SEC22A: variants seen among roughly 807,000 people sequenced by gnomAD.
SEC22A encodes the protein SEC22 homolog A, vesicle trafficking protein, also known as vesicle-trafficking protein SEC22a.
A neutral mutation model predicts 35.3 loss-of-function variants in SEC22A; 22 were observed. The observed-to-expected ratio is 0.62, with a 90% confidence interval of 0.45 to 0.89. The LOEUF (loss-of-function observed/expected upper bound fraction) is 0.89. Among genes scored for constraint, SEC22A ranks in the 40% least tolerant of loss-of-function variants. The pLI is 0.00. For missense variants in SEC22A, 354 were observed against 362.5 expected, an observed-to-expected ratio of 0.98 and a Z score of 0.19; for synonymous variants, 119 against 129.5, an observed-to-expected ratio of 0.92 and a Z score of 0.55.
At chr3:123,240,801 A>G (rs1362956801) in intron 4 of SEC22A, among the ~76,000 whole-genome samples, 1 of 151,924 alleles carries the variant, frequency 6.6e-6, no homozygotes, top group Admixed American at 6.6e-5. Context: ...TTTTACTTTT[A>G]TGTTGTGCTT....
chr3:123,215,831 G>A (rs925282741), intron 2 of SEC22A, among the ~76,000 whole-genome samples: 4 of 152,076 alleles, frequency 2.6e-5, no homozygotes, highest in African/African-American at 7.2e-5. Context: ...AAATGAACCA[G>A]GGAAGAGAAT....
At chr3:123,240,221 T>A (rs1276185834) in intron 4 of SEC22A, among the ~76,000 whole-genome samples, 1 of 152,140 alleles carries the variant, frequency 6.6e-6, no homozygotes, top group East Asian at 1.9e-4. Flanking sequence ...AAATACAGAA[T>A]AAAAAGACAT....
rs1938156270 is a variant in SEC22A at position 123,271,457 on chromosome 3, A to G, written c.724-65A>G. ...TTACTCTCTGACCTGTTACAATTTT[A>G]TATTAGAAACATCTGTTTCTTTTCC... On this transcript the variant is annotated intron_variant, in intron 6 of 6. Coordinates refer to ENST00000492595, the MANE Select transcript of SEC22A (RefSeq NM_012430.5). 2.9e-6 allele frequency: 4 copies of G among 1,365,484 alleles called. No homozygotes were observed. In the Admixed American group the frequency reaches 5.2e-5, roughly 18 times the overall value. 84.6% of individuals were successfully genotyped at this position (1,365,484 alleles called of 1,614,324 possible). A position where few individuals can be genotyped will look rare whatever the true frequency, so the allele number is the denominator to read the frequency against.
chr3:123,205,572 C>A (rs868698926), intron 1 of SEC22A, among the ~76,000 whole-genome samples: 117 of 152,110 alleles, frequency 7.7e-4, no homozygotes, highest in African/African-American at 2.7e-3. Context: ...CCTGTAATCC[C>A]AGCTACTTGG....
chr3:123,226,179 G>A lies in SEC22A; in HGVS notation c.541+882G>A, dbSNP rs369636799. On this transcript the variant is annotated intron_variant, in intron 4 of 6. Transcript: ENST00000492595. Reference sequence around the variant, plus strand: ...AACATGAGAATGCAGATGTCTCTTCGATATGCTGATTTCCTTTCTTTTGGG... The same window carrying A: ...AACATGAGAATGCAGATGTCTCTTCAATATGCTGATTTCCTTTCTTTTGGG... Among the ~76,000 whole-genome samples the A allele has an allele frequency of 6.0e-4, 92 of 152,242 alleles. 1 individual carries two copies. The highest frequency in any genetic ancestry group is 2.1e-3 in the African/African-American group (88 of 41,570).
intron 6 of SEC22A, among the ~76,000 whole-genome samples, chr3:123,265,362 T>G (rs921397509): frequency 6.6e-6 from 1 of 152,050 alleles, no homozygotes; most frequent in Non-Finnish European, 1.5e-5. Flanking sequence ...AGAAAGGAAG[T>G]GTGCAGGTAT....
At chr3:123,239,690 G>A (rs1331805855) in intron 4 of SEC22A, among the ~76,000 whole-genome samples, 1 of 151,900 alleles carries the variant, frequency 6.6e-6, no homozygotes, top group African/African-American at 2.4e-5. Context: ...TTTTTTTCTT[G>A]TAAATTTGGT....
At position 123,271,619 on chromosome 3, in the gene SEC22A, G is replaced by A. The variant is rs776329544; in HGVS notation, c.821G>A (p.Arg274His). The A allele has an allele frequency of 4.3e-5, 70 of 1,613,970 alleles. No individual in the cohort carries two copies. The highest frequency in any genetic ancestry group is 1.2e-4 in the Admixed American group (7 of 59,996). Residue 274 changes from arginine to histidine, a missense_variant, in exon 7 of 7, where the codon CGC (arginine) becomes CAC (histidine). By Grantham distance (29) the Arg-to-His change is conservative. Transcript: ENST00000492595. ...CLCNMYLYEL[R>H]NLWQLFFHVT... ...TGCAACATGTATCTCTATGAACTGC[G>A]CAACCTCTGGCAGCTTTTCTTTCAT...
At chr3:123,217,926 G>A (rs1353869998) in intron 2 of SEC22A, among the ~76,000 whole-genome samples, 2 of 152,208 alleles carry the variant, frequency 1.3e-5, no homozygotes, top group Non-Finnish European at 2.9e-5. Context: ...CTGCTGAGAG[G>A]AAGATATTTG....
chr3:123,230,891 T>TA (rs533242255), intron 4 of SEC22A, among the ~76,000 whole-genome samples: 4 of 151,872 alleles, frequency 2.6e-5, no homozygotes, highest in Non-Finnish European at 5.9e-5. Flanking sequence ...GGAGTAAAAA[T>TA]AAAAACACAA....
chr3:123,256,151 CCT>C (rs1937725530), intron 5 of SEC22A, among the ~76,000 whole-genome samples: 1 of 152,036 alleles, frequency 6.6e-6, no homozygotes, highest in South Asian at 2.1e-4. Context: ...GTGTTTTGTT[CCT>C]CTCTCTAATC....
intron 2 of SEC22A, among the ~76,000 whole-genome samples, chr3:123,213,718 G>C (rs188482788): frequency 4.6e-5 from 7 of 152,108 alleles, no homozygotes; most frequent in Non-Finnish European, 7.4e-5. Context: ...TTGGCATTGT[G>C]GTTTTCAAAT....
chr3:123,260,169 A>AAAAC (rs1559763879), intron 6 of SEC22A, among the ~76,000 whole-genome samples: 12 of 114,758 alleles, frequency 1.0e-4, no homozygotes, highest in African/African-American at 3.8e-4. Flanking sequence ...AAAAAAAAAA[A>AAAAC]CTACTAGATT....
rs35775511 is a variant in SEC22A at position 123,241,002 on chromosome 3, T to TACACACACACACACACACAC, written c.542-4875_542-4856dup. ...AATAGATTTACTAATCTCTCTTTCT[T>TACACACACACACACACACAC]ACACACACACACACACACACACACA... On this transcript the variant is annotated intron_variant, in intron 4 of 6. Coordinates refer to ENST00000492595, the MANE Select transcript of SEC22A (RefSeq NM_012430.5). 9.8e-5 allele frequency among the ~76,000 whole-genome samples: 14 copies of TACACACACACACACACACAC among 142,676 alleles called. No homozygotes were observed. In the East Asian group the frequency reaches 2.8e-3, roughly 29 times the overall value. The allele number at this position is 142,676 out of a possible 152,430, so 93.6% of individuals were successfully genotyped here.
At chr3:123,266,030 T>C (rs1648623490) in intron 6 of SEC22A, among the ~76,000 whole-genome samples, 1 of 152,210 alleles carries the variant, frequency 6.6e-6, no homozygotes, top group African/African-American at 2.4e-5. Flanking sequence ...TATGGTAGTT[T>C]GTGTTTTTTG....
Position 123,248,864 on chromosome 3 carries a change from C to T in SEC22A, c.657+2850C>T, listed in dbSNP as rs897036940. On this transcript the variant is annotated intron_variant, in intron 5 of 6. Transcript: ENST00000492595. ...TGTGTGGGAGGTTTTCTCATATCAACATATTCCCCAGTACCAGCTAGGTGT... is the reference window on the plus strand; with the variant it reads ...TGTGTGGGAGGTTTTCTCATATCAATATATTCCCCAGTACCAGCTAGGTGT... Among the ~76,000 whole-genome samples the T allele has an allele frequency of 5.3e-5, 8 of 152,214 alleles. No homozygotes were observed. In the East Asian group the frequency reaches 7.7e-4, roughly 15 times the overall value.
intron 5 of SEC22A, among the ~76,000 whole-genome samples, chr3:123,258,627 G>A (rs1663461030): frequency 6.6e-6 from 1 of 152,030 alleles, no homozygotes; most frequent in Non-Finnish European, 1.5e-5. Flanking sequence ...CCAATAACCA[G>A]TGCAAAAGGA....
At chr3:123,221,470 CAAAAAAAAAAAA>C (rs56800842) in intron 2 of SEC22A, among the ~76,000 whole-genome samples, 49 of 60,614 alleles carry the variant, frequency 8.1e-4, no homozygotes, top group Non-Finnish European at 9.6e-4. Flanking sequence ...GAGTCCATCT[CAAAAAAAAAAAA>C]AAAAAAAAAA....
chr3:123,228,576 CAAA>C (rs528536258), intron 4 of SEC22A, among the ~76,000 whole-genome samples: 24,597 of 82,672 alleles, frequency 0.3, 2,284 homozygotes, highest in Middle Eastern at 0.44. Flanking sequence ...AACTCCATCT[CAAA>C]AAAAAAAAAA....
Sources: allele counts gnomAD v4.1 joint callset (sites outside exome capture counted in the v4.1 genomes callset), GRCh38; gene constraint gnomAD v4.1.1; transcripts MANE v1.5; gene names NCBI Gene and HGNC (gene_info 2026-07-23, HGNC 2026-07-21).